GRIP1: variants seen among roughly 807,000 people sequenced by gnomAD.
The protein encoded by GRIP1 is glutamate receptor interacting protein 1, also known as glutamate receptor-interacting protein 1.
Under a neutral mutation model 129.9 loss-of-function variants are expected in GRIP1, and 45 were observed. The observed-to-expected ratio is 0.35, with a 90% confidence interval of 0.27 to 0.44. The LOEUF is 0.44. Among genes scored for constraint, GRIP1 ranks in the 20% least tolerant of loss-of-function variants. The probability of loss-of-function intolerance (pLI) is 1.00; values close to 1 mark genes in which losing one functional copy is unlikely to be tolerated. For synonymous variants in GRIP1, 530 were observed against 520.8 expected (o/e 1.02, Z -0.24); for missense variants, 1,196 against 1,396.8 (o/e 0.86, Z 2.29).
At chr12:66,689,292 A>G (rs2034893580) in intron 1 of GRIP1, among the ~76,000 whole-genome samples, 1 of 152,178 alleles carries the variant, frequency 6.6e-6, no homozygotes, top group Non-Finnish European at 1.5e-5. Flanking sequence ...TCAAGAAACG[A>G]GGGGCACATG....
At chr12:66,487,284 G>A (rs79220037) in intron 7 of GRIP1, among the ~76,000 whole-genome samples, 5,923 of 152,202 alleles carry the variant, frequency 0.039, 279 homozygotes, top group East Asian at 0.12. Flanking sequence ...GAAACTCTCA[G>A]TGGAAACCCT....
At chr12:66,745,262 AC>A (rs2036909480) in intron 1 of GRIP1, among the ~76,000 whole-genome samples, 1 of 152,230 alleles carries the variant, frequency 6.6e-6, no homozygotes, top group Non-Finnish European at 1.5e-5. Flanking sequence ...CAAATGACTT[AC>A]AGATTATTCA....
At chr12:66,890,845 C>T (rs2040646675) in intron 1 of GRIP1, among the ~76,000 whole-genome samples, 1 of 152,144 alleles carries the variant, frequency 6.6e-6, no homozygotes, top group Non-Finnish European at 1.5e-5. Context: ...GAAAGAACTT[C>T]ATTAATGCCA....
chr12:66,933,308 G>C (rs1406389329), intron 1 of GRIP1, among the ~76,000 whole-genome samples: 1 of 152,126 alleles, frequency 6.6e-6, no homozygotes, highest in African/African-American at 2.4e-5. Flanking sequence ...TAATTCTCCA[G>C]AGAAATCCAC....
chr12:66,870,925 C>A (rs1236998318), intron 1 of GRIP1, among the ~76,000 whole-genome samples: 2 of 152,108 alleles, frequency 1.3e-5, no homozygotes, highest in African/African-American at 4.8e-5. Flanking sequence ...GAAACTTTAA[C>A]ATTATAGCTC....
intron 1 of GRIP1, among the ~76,000 whole-genome samples, chr12:66,730,973 T>C (rs1186735317): frequency 6.6e-6 from 1 of 152,192 alleles, no homozygotes. Flanking sequence ...AGCATAATTA[T>C]TAACCTTAAA....
chr12:66,475,309 G>C (rs1206411678), intron 7 of GRIP1, among the ~76,000 whole-genome samples: 2 of 152,096 alleles, frequency 1.3e-5, no homozygotes, highest in African/African-American at 4.8e-5. Flanking sequence ...CCCAATACAG[G>C]AGCACCTAGA....
chr12:66,518,967 T>G (rs1302483120), intron 5 of GRIP1, among the ~76,000 whole-genome samples: 3 of 152,250 alleles, frequency 2.0e-5, no homozygotes, highest in Non-Finnish European at 4.4e-5. Flanking sequence ...GTGACCTGAT[T>G]TCTTTGCACA....
At chr12:66,731,919 T>C (rs995285146) in intron 1 of GRIP1, among the ~76,000 whole-genome samples, 1 of 152,226 alleles carries the variant, frequency 6.6e-6, no homozygotes, top group Non-Finnish European at 1.5e-5. Flanking sequence ...AATTTTCAAA[T>C]GTATTTGTAG....
chr12:66,860,060 C>T (rs1289241354), intron 1 of GRIP1, among the ~76,000 whole-genome samples: 1 of 152,064 alleles, frequency 6.6e-6, no homozygotes, highest in African/African-American at 2.4e-5. Flanking sequence ...AAGTGCTTAA[C>T]TTACAAACTT....
At chr12:66,450,221 G>A (rs991529308) in intron 11 of GRIP1, among the ~76,000 whole-genome samples, 2 of 147,436 alleles carry the variant, frequency 1.4e-5, no homozygotes, top group South Asian at 2.2e-4. Flanking sequence ...GCAGAATGGC[G>A]TGAACCCGGG....
chr12:66,783,156 G>C (rs1172030603), intron 1 of GRIP1, among the ~76,000 whole-genome samples: 2 of 151,990 alleles, frequency 1.3e-5, no homozygotes, highest in Admixed American at 1.3e-4. Flanking sequence ...TCAGCTACCT[G>C]AGTAGCTAGG....
chr12:66,480,549 T>TA (rs552268438), intron 7 of GRIP1, among the ~76,000 whole-genome samples: 15 of 151,994 alleles, frequency 9.9e-5, no homozygotes, highest in South Asian at 4.2e-4. Context: ...TTCACAGAAT[T>TA]AAAAAAAACT....
At chr12:66,731,248 C>T (rs2036427580) in intron 1 of GRIP1, among the ~76,000 whole-genome samples, 1 of 152,078 alleles carries the variant, frequency 6.6e-6, no homozygotes, top group South Asian at 2.1e-4. Flanking sequence ...TTATAAGTAC[C>T]ATTAAAAGAG....
intron 2 of GRIP1, among the ~76,000 whole-genome samples, chr12:66,572,886 A>T (rs2063010986): frequency 6.6e-6 from 1 of 152,002 alleles, no homozygotes; most frequent in Non-Finnish European, 1.5e-5. Context: ...CTATGATCTC[A>T]TATGTTTTCT....
At chr12:66,404,603 C>G (rs1181746282) in intron 16 of GRIP1, among the ~76,000 whole-genome samples, 1 of 152,104 alleles carries the variant, frequency 6.6e-6, no homozygotes, top group East Asian at 1.9e-4. Context: ...TATTCCTAAA[C>G]CCGTTTATGC....
At chr12:66,940,479 C>T (rs1300869580) in intron 1 of GRIP1, among the ~76,000 whole-genome samples, 1 of 152,120 alleles carries the variant, frequency 6.6e-6, no homozygotes, top group African/African-American at 2.4e-5. Flanking sequence ...CAATCAGCAC[C>T]TTGTAGACTG....
rs1184595044 is a variant in GRIP1, at chr12:66,385,187, GATAAA to G, written c.2465-5756_2465-5752del. ...GAAACTACATTTTAAATTAAAAATT[GATAAA>G]ATAAATAAGTTGAAAAAAGAAATAA... On this transcript the variant is annotated intron_variant, in intron 19 of 24. Coordinates refer to ENST00000359742, the MANE Select transcript of GRIP1 (RefSeq NM_001366722.1). Among the ~76,000 whole-genome samples, 3 of 152,170 alleles carry G rather than the reference GATAAA, an allele frequency of 2.0e-5. No homozygotes were observed. The East Asian group carries it at 5.8e-4, about 29-fold the overall frequency.
At chr12:66,970,096 G>A (rs992367195) in intron 1 of GRIP1, among the ~76,000 whole-genome samples, 7 of 152,050 alleles carry the variant, frequency 4.6e-5, no homozygotes, top group Non-Finnish European at 8.8e-5. Context: ...ATGCTTTGTT[G>A]AGACAGGGTC....
Sources: allele counts gnomAD v4.1 joint callset (sites outside exome capture counted in the v4.1 genomes callset), GRCh38; gene constraint gnomAD v4.1.1; transcripts MANE v1.5; gene names NCBI Gene and HGNC (gene_info 2026-07-23, HGNC 2026-07-21).